The following TBC1D5 variants were observed in gnomAD, a reference collection of about 807,000 sequenced individuals.
TBC1D5 encodes the protein TBC1 domain family member 5.
In TBC1D5, 75 loss-of-function variants were observed where a neutral mutation model predicts 100.3. The ratio of observed to expected loss-of-function variants is 0.75; its 90% CI spans 0.62 to 0.91. TBC1D5 has a LOEUF of 0.91. Among genes scored for constraint, TBC1D5 ranks in the 40% least tolerant of loss-of-function variants. TBC1D5 has a pLI of 0.00. For missense variants in TBC1D5, 910 were observed against 942.4 expected, an observed-to-expected ratio of 0.97 and a Z score of 0.45; for synonymous variants, 323 against 325.6, an observed-to-expected ratio of 0.99 and a Z score of 0.09.
chr3:17,444,362 C>T (rs1051380380), intron 3 of TBC1D5, among the ~76,000 whole-genome samples: 2 of 151,984 alleles, frequency 1.3e-5, no homozygotes, highest in Non-Finnish European at 2.9e-5. Flanking sequence ...TTACATACTA[C>T]ATAAACAATT....
intron 16 of TBC1D5, among the ~76,000 whole-genome samples, chr3:17,258,299 CTT>C (rs898079987): frequency 7.9e-5 from 12 of 152,086 alleles, no homozygotes; most frequent in Non-Finnish European, 1.6e-4. Flanking sequence ...AACAAGTACT[CTT>C]ATATTTATTT....
chr3:17,575,608 C>A (rs1440894303), intron 2 of TBC1D5, among the ~76,000 whole-genome samples: 2 of 152,070 alleles, frequency 1.3e-5, no homozygotes, highest in Admixed American at 6.6e-5. Flanking sequence ...CAGGAAATAA[C>A]CTGCCTGGCT....
intron 13 of TBC1D5, among the ~76,000 whole-genome samples, chr3:17,357,802 G>C (rs2091352399): frequency 6.6e-6 from 1 of 152,148 alleles, no homozygotes; most frequent in African/African-American, 2.4e-5. Context: ...CCATTGAATA[G>C]GAGACAAGAT....
At chr3:17,193,815 A>G (rs529565580) in intron 18 of TBC1D5, among the ~76,000 whole-genome samples, 44 of 152,336 alleles carry the variant, frequency 2.9e-4, no homozygotes, top group African/African-American at 1.1e-3. Context: ...AAAATAGCTA[A>G]TACATGTAAA....
At chr3:17,409,197 G>A (rs1207970856) in intron 4 of TBC1D5, among the ~76,000 whole-genome samples, 2 of 152,098 alleles carry the variant, frequency 1.3e-5, no homozygotes, top group Admixed American at 6.6e-5. Flanking sequence ...TGACTCTTGT[G>A]ACATATTTTG....
chr3:17,561,215 T>C (rs1025241602), intron 2 of TBC1D5, among the ~76,000 whole-genome samples: 4 of 152,198 alleles, frequency 2.6e-5, no homozygotes, highest in Non-Finnish European at 5.9e-5. Flanking sequence ...GTTTCCTGTA[T>C]CTGTGATCTA....
chr3:17,452,898 T>C (rs1447267206), intron 3 of TBC1D5, among the ~76,000 whole-genome samples: 2 of 152,018 alleles, frequency 1.3e-5, no homozygotes, highest in Non-Finnish European at 2.9e-5. Context: ...TTCTCCAGGA[T>C]AGACCATATG....
intron 15 of TBC1D5, among the ~76,000 whole-genome samples, chr3:17,287,135 A>G (rs920379928): frequency 6.6e-6 from 1 of 152,230 alleles, no homozygotes; most frequent in Non-Finnish European, 1.5e-5. Context: ...TGAAAAATAA[A>G]CCACTGGCTG....
chr3:17,650,619 T>C (rs1398802246), intron 1 of TBC1D5, among the ~76,000 whole-genome samples: 3 of 152,218 alleles, frequency 2.0e-5, no homozygotes, highest in Admixed American at 2.0e-4. Flanking sequence ...CTTTTGAATT[T>C]GGTACGATTC....
chr3:17,351,784 G>C (rs1248627076), intron 13 of TBC1D5, among the ~76,000 whole-genome samples: 1 of 145,818 alleles, frequency 6.9e-6, no homozygotes, highest in South Asian at 2.2e-4. Context: ...CTTTTCTTTA[G>C]TAGGGAGAAA....
chr3:17,234,765 A>G (rs1412037557), intron 17 of TBC1D5, among the ~76,000 whole-genome samples: 1 of 152,142 alleles, frequency 6.6e-6, no homozygotes, highest in African/African-American at 2.4e-5. Flanking sequence ...TACAGTAGTA[A>G]AAAAAATCAA....
At chr3:17,741,800 A>ATTT (rs779385615), upstream of TBC1D5, among the ~76,000 whole-genome samples, 133 of 47,952 alleles carry the variant, frequency 2.8e-3, 4 homozygotes, top group African/African-American at 5.3e-3. Context: ...CTCCCTGCGA[A>ATTT]TTTTTTTTTT....
chr3:17,166,803 T>C (rs772871234), exon 21 of TBC1D5: 1 of 1,614,002 alleles, frequency 6.2e-7, no homozygotes, highest in Non-Finnish European at 8.5e-7. Context: ...CGCTCTGGCC[T>C]TGGCCTCGGC....
At chr3:17,688,574 T>A (rs1349167327) in intron 1 of TBC1D5, among the ~76,000 whole-genome samples, 1 of 152,222 alleles carries the variant, frequency 6.6e-6, no homozygotes, top group African/African-American at 2.4e-5. Context: ...CTGAGCTGTA[T>A]CTTTACCAAC....
intron 15 of TBC1D5, among the ~76,000 whole-genome samples, chr3:17,269,830 C>T (rs1437011532): frequency 6.6e-6 from 1 of 152,120 alleles, no homozygotes; most frequent in Non-Finnish European, 1.5e-5. Context: ...CAGTTTCATT[C>T]CTTTTTATGG....
intron 4 of TBC1D5, among the ~76,000 whole-genome samples, chr3:17,422,143 C>A (rs957657648): frequency 2.0e-5 from 3 of 151,928 alleles, no homozygotes; most frequent in African/African-American, 7.3e-5. Flanking sequence ...AGCCAATATT[C>A]TGTTTTTGTT....
chr3:17,605,456 C>T (rs1470164657), intron 2 of TBC1D5, among the ~76,000 whole-genome samples: 4 of 152,158 alleles, frequency 2.6e-5, no homozygotes, highest in Admixed American at 1.3e-4. Context: ...GCATTTTTAG[C>T]AACTAGAATG....
intron 18 of TBC1D5, among the ~76,000 whole-genome samples, chr3:17,201,775 T>C (rs1437561779): frequency 3.9e-5 from 6 of 152,176 alleles, no homozygotes; most frequent in Admixed American, 3.3e-4. Context: ...CCTTCTGCCA[T>C]GATTGAAGTT....
intron 2 of TBC1D5, among the ~76,000 whole-genome samples, chr3:17,605,912 A>C (rs2061307751): frequency 6.6e-6 from 1 of 152,336 alleles, no homozygotes; most frequent in East Asian, 1.9e-4. Context: ...TCACCAAATT[A>C]CTGACTTCTG....
Sources: allele counts gnomAD v4.1 joint callset (sites outside exome capture counted in the v4.1 genomes callset), GRCh38; gene constraint gnomAD v4.1.1; transcripts MANE v1.5; gene names NCBI Gene and HGNC (gene_info 2026-07-23, HGNC 2026-07-21).